CTNNA3: variants seen among roughly 807,000 people sequenced by gnomAD.
CTNNA3 encodes the protein catenin alpha-3.
In CTNNA3, 76 loss-of-function variants were observed where a neutral mutation model predicts 95.7. The observed-to-expected ratio is 0.79, with a 90% CI of 0.66 to 0.96. CTNNA3 has a LOEUF of 0.96. Among genes scored for constraint, CTNNA3 ranks in the 40% least tolerant of loss-of-function variants. CTNNA3 has a pLI of 0.00. For synonymous variants in CTNNA3, 431 were observed against 374.4 expected (o/e 1.15, Z -1.74); for missense variants, 1,191 against 1,089.8 (o/e 1.09, Z -1.31).
intron 10 of CTNNA3, among the ~76,000 whole-genome samples, chr10:66,534,159 C>A (rs1395640000): frequency 2.0e-5 from 3 of 152,068 alleles, no homozygotes; most frequent in African/African-American, 7.2e-5. Flanking sequence ...CCCCATGGAA[C>A]TGTTATGCTC....
At chr10:67,456,578 G>A (rs1847179864) in intron 5 of CTNNA3, among the ~76,000 whole-genome samples, 1 of 152,108 alleles carries the variant, frequency 6.6e-6, no homozygotes, top group Non-Finnish European at 1.5e-5. Context: ...AAGAGACAGG[G>A]TCAAAACCAC....
chr10:66,312,628 T>A (rs954191553), intron 12 of CTNNA3, among the ~76,000 whole-genome samples: 7 of 151,526 alleles, frequency 4.6e-5, no homozygotes, highest in Non-Finnish European at 1.0e-4. Flanking sequence ...CTTACCGCAA[T>A]CTCCACCTCC....
intron 7 of CTNNA3, among the ~76,000 whole-genome samples, chr10:66,866,929 G>T (rs1844203024): frequency 6.6e-6 from 1 of 152,086 alleles, no homozygotes; most frequent in African/African-American, 2.4e-5. Context: ...TTGAATCATA[G>T]AGGTGGTTTC....
At chr10:66,995,680 ACT>A (rs1375599875) in intron 7 of CTNNA3, among the ~76,000 whole-genome samples, 1 of 152,058 alleles carries the variant, frequency 6.6e-6, no homozygotes, top group Non-Finnish European at 1.5e-5. Flanking sequence ...GACAACTAAG[ACT>A]CAGACTCAGT....
intron 7 of CTNNA3, among the ~76,000 whole-genome samples, chr10:66,905,353 C>A (rs1845940820): frequency 6.6e-6 from 1 of 152,062 alleles, no homozygotes; most frequent in East Asian, 1.9e-4. Context: ...GGGAACATCA[C>A]ACTCTGGGGC....
At chr10:66,642,279 A>AAAC (rs1845544939) in intron 9 of CTNNA3, among the ~76,000 whole-genome samples, 10 of 61,338 alleles carry the variant, frequency 1.6e-4, no homozygotes, top group Admixed American at 4.3e-4. Context: ...CACACACACA[A>AAAC]ACACACACAC....
chr10:66,417,368 C>A (rs1211832826), intron 11 of CTNNA3, among the ~76,000 whole-genome samples: 2 of 151,850 alleles, frequency 1.3e-5, no homozygotes, highest in Admixed American at 6.6e-5. Context: ...AACTGGAACA[C>A]CCGGATTCAT....
At chr10:66,075,359 T>C (rs10996878) in intron 14 of CTNNA3, among the ~76,000 whole-genome samples, 27,247 of 151,784 alleles carry the variant, frequency 0.18, 2,927 homozygotes, top group Middle Eastern at 0.24. Context: ...CAAGTATTAG[T>C]TATACAGCAA....
At chr10:66,664,083 AC>A (rs1202607591) in intron 9 of CTNNA3, among the ~76,000 whole-genome samples, 1 of 151,996 alleles carries the variant, frequency 6.6e-6, no homozygotes, top group Non-Finnish European at 1.5e-5. Context: ...TGTCTTCTGT[AC>A]TAATTTTATA....
chr10:67,150,042 A>C (rs946661607), intron 7 of CTNNA3, among the ~76,000 whole-genome samples: 7 of 152,238 alleles, frequency 4.6e-5, no homozygotes, highest in African/African-American at 1.7e-4. Context: ...AGAGCTTACC[A>C]AAACCACTGA....
At chr10:66,621,140 GAAAA>G (rs1278071962) in intron 10 of CTNNA3, among the ~76,000 whole-genome samples, 2 of 151,330 alleles carry the variant, frequency 1.3e-5, no homozygotes, top group Non-Finnish European at 3.0e-5. Flanking sequence ...TTTGATAAAA[GAAAA>G]AAAGAGTCAA....
chr10:66,423,145 T>A (rs576471779), intron 11 of CTNNA3, among the ~76,000 whole-genome samples: 20 of 152,190 alleles, frequency 1.3e-4, no homozygotes, highest in African/African-American at 4.6e-4. Flanking sequence ...AGAATGATAA[T>A]TCTACTTGGT....
At chr10:67,013,412 C>A (rs1019008945) in intron 7 of CTNNA3, among the ~76,000 whole-genome samples, 1 of 152,034 alleles carries the variant, frequency 6.6e-6, no homozygotes, top group African/African-American at 2.4e-5. Flanking sequence ...TTCAAACAAT[C>A]ATTGTTATCA....
intron 7 of CTNNA3, among the ~76,000 whole-genome samples, chr10:67,093,039 T>A (rs894960191): frequency 2.0e-5 from 3 of 152,022 alleles, no homozygotes; most frequent in Non-Finnish European, 4.4e-5. Flanking sequence ...GAATTACCTT[T>A]CTTGGAAAAC....
intron 17 of CTNNA3, among the ~76,000 whole-genome samples, chr10:65,959,559 C>G (rs1003461361): frequency 6.6e-6 from 1 of 152,140 alleles, no homozygotes; most frequent in African/African-American, 2.4e-5. Flanking sequence ...AGGTCTGGCT[C>G]TATCACCCAG....
intron 10 of CTNNA3, among the ~76,000 whole-genome samples, chr10:66,571,560 C>T (rs760089843): frequency 3.3e-5 from 5 of 152,216 alleles, no homozygotes; most frequent in African/African-American, 4.8e-5. Context: ...CAAGAAAACA[C>T]GTATTTATTC....
chr10:67,497,163 A>C (rs943240412), intron 5 of CTNNA3, among the ~76,000 whole-genome samples: 3 of 152,102 alleles, frequency 2.0e-5, no homozygotes, highest in Non-Finnish European at 4.4e-5. Context: ...ATTCCTACTT[A>C]GGAGTGACAA....
rs78069997 is a variant in CTNNA3, at chr10:66,681,996, C to T, written c.1282-60212G>A. ...ATAGCAGCATACTAGTACAAGGCCA[C>T]TGCAGCTAGAAACCTGTGGGCGTGT... is the stretch of plus-strand genomic sequence containing the variant. On this transcript the variant is annotated intron_variant, in intron 9 of 17. Transcript: ENST00000433211. 6.2e-4 allele frequency among the ~76,000 whole-genome samples: 94 copies of T among 152,296 alleles called. 2 individuals carry two copies. The East Asian group carries it at 0.011, about 18-fold the overall frequency.
intron 9 of CTNNA3, among the ~76,000 whole-genome samples, chr10:66,705,968 T>C (rs572860765): frequency 6.6e-6 from 1 of 152,232 alleles, no homozygotes; most frequent in Admixed American, 6.5e-5. Context: ...CATCACTTTA[T>C]AGAAAATACA....
Sources: gnomAD v4.1 joint callset for allele counts (sites outside exome capture counted in the v4.1 genomes callset) on GRCh38, gnomAD v4.1.1 for gene constraint, MANE v1.5 for transcripts, NCBI Gene and HGNC (gene_info 2026-07-23, HGNC 2026-07-21) for gene names.